DSCAM: variants seen among roughly 807,000 people sequenced by gnomAD.
The protein encoded by DSCAM is cell adhesion molecule DSCAM.
DSCAM carries 47 observed loss-of-function variants against 217.7 expected under a neutral mutation model. That is an observed-to-expected ratio of 0.22 (90% CI 0.17 to 0.28). The LOEUF is 0.28. Ranked by LOEUF, DSCAM falls within the 10% of genes least tolerant of loss-of-function variation. The pLI is 1.00. For synonymous variants in DSCAM, 1,056 were observed against 1,015.3 expected (o/e 1.04, Z -0.76); for missense variants, 2,080 against 2,618.3 (o/e 0.79, Z 4.49).
intron 10 of DSCAM, among the ~76,000 whole-genome samples, chr21:40,281,383 G>C (rs961448535): frequency 6.6e-6 from 1 of 152,060 alleles, no homozygotes; most frequent in Non-Finnish European, 1.5e-5. Flanking sequence ...TTATATGGCT[G>C]TCTGTCTTTC....
chr21:40,234,705 T>C (rs1424428848), intron 11 of DSCAM, among the ~76,000 whole-genome samples: 1 of 152,242 alleles, frequency 6.6e-6, no homozygotes, highest in African/African-American at 2.4e-5. Flanking sequence ...TCCTTCCTGG[T>C]ACATTTAAAT....
At chr21:40,581,588 G>A (rs2076906081) in intron 3 of DSCAM, among the ~76,000 whole-genome samples, 1 of 152,132 alleles carries the variant, frequency 6.6e-6, no homozygotes, top group African/African-American at 2.4e-5. Flanking sequence ...GATGGGGACA[G>A]AAACTGGGAG....
At chr21:40,407,899 CT>C (rs1484185163) in intron 3 of DSCAM, among the ~76,000 whole-genome samples, 2 of 152,222 alleles carry the variant, frequency 1.3e-5, no homozygotes, top group Non-Finnish European at 2.9e-5. Context: ...CTCTTAATAA[CT>C]GGTTATAACC....
chr21:40,799,149 T>C (rs2091716879), intron 1 of DSCAM, among the ~76,000 whole-genome samples: 3 of 152,132 alleles, frequency 2.0e-5, no homozygotes, highest in South Asian at 4.1e-4. Flanking sequence ...AGAGCCTGTG[T>C]TTGTAAGTAA....
chr21:40,439,900 C>T (rs1337694918), intron 3 of DSCAM, among the ~76,000 whole-genome samples: 1 of 152,124 alleles, frequency 6.6e-6, no homozygotes, highest in Admixed American at 6.5e-5. Flanking sequence ...CAGGTCCCTC[C>T]CACAACACAT....
intron 1 of DSCAM, among the ~76,000 whole-genome samples, chr21:40,795,542 T>C (rs946740941): frequency 7.2e-5 from 11 of 152,130 alleles, no homozygotes; most frequent in Non-Finnish European, 1.5e-5. Context: ...CTATGAAGAG[T>C]GTACTCACAA....
chr21:40,031,634 A>C (rs2088526721), intron 32 of DSCAM, among the ~76,000 whole-genome samples: 1 of 152,126 alleles, frequency 6.6e-6, no homozygotes, highest in Non-Finnish European at 1.5e-5. Flanking sequence ...CCACCTACAC[A>C]CACAAACACG....
intron 3 of DSCAM, among the ~76,000 whole-genome samples, chr21:40,610,519 C>G (rs567725219): frequency 1.6e-4 from 24 of 152,206 alleles, no homozygotes; most frequent in Non-Finnish European, 2.5e-4. Flanking sequence ...GCTTATACGA[C>G]TTTATGTGTG....
rs377009539 is a variant in DSCAM, at chr21:40,107,150, C to T, written c.3697-13276G>A. 4.6e-5 allele frequency among the ~76,000 whole-genome samples: 7 copies of T among 152,184 alleles called. No homozygotes were observed. In the East Asian group the frequency reaches 1.3e-3, roughly 29 times the overall value. On this transcript the variant is annotated intron_variant, in intron 20 of 32. Coordinates refer to ENST00000400454, the MANE Select transcript of DSCAM (RefSeq NM_001389.5). ...TCTTAACACTGCCTTAGCAGTGTCTCAGAGATTCTGGTACATTGTATCTTT... is the reference window on the plus strand; with the variant it reads ...TCTTAACACTGCCTTAGCAGTGTCTTAGAGATTCTGGTACATTGTATCTTT...
chr21:40,171,000 C>T (rs2090651055), intron 15 of DSCAM, among the ~76,000 whole-genome samples: 1 of 152,106 alleles, frequency 6.6e-6, no homozygotes, highest in Admixed American at 6.5e-5. Flanking sequence ...CAAGAATGTC[C>T]CCAATTCTAT....
chr21:40,350,910 T>C (rs1255886782), intron 5 of DSCAM, among the ~76,000 whole-genome samples: 1 of 105,764 alleles, frequency 9.5e-6, no homozygotes, highest in Non-Finnish European at 1.9e-5. Flanking sequence ...TTTTTTAGAA[T>C]TGGGGCCTTG....
In DSCAM at chr21:40,149,063, C is replaced by T. The variant is rs186198194; in HGVS notation, c.3019-4332G>A. On this transcript the variant is annotated intron_variant, in intron 16 of 32. Coordinates refer to ENST00000400454, the MANE Select transcript of DSCAM (RefSeq NM_001389.5). The stretch of plus-strand genomic sequence containing the variant: ...CAACACTATCACCACCACCATCCAT[C>T]ACTCAATCACTATCCCAACACCAAC... Among the ~76,000 whole-genome samples the T allele has an allele frequency of 1.3e-4, 20 of 152,066 alleles. No homozygotes were observed. The East Asian group carries it at 3.9e-3, about 29-fold the overall frequency.
At chr21:40,294,074 T>A (rs1344857905) in intron 10 of DSCAM, among the ~76,000 whole-genome samples, 1 of 152,208 alleles carries the variant, frequency 6.6e-6, no homozygotes, top group Non-Finnish European at 1.5e-5. Context: ...TTTTAAAAAA[T>A]TGCAATTTCT....
chr21:40,626,131 G>A (rs2089597786), intron 3 of DSCAM, among the ~76,000 whole-genome samples: 1 of 152,090 alleles, frequency 6.6e-6, no homozygotes, highest in African/African-American at 2.4e-5. Context: ...TAGGAGGGAA[G>A]GCAGAGTTGG....
At chr21:40,125,141 T>C (rs939011490) in intron 19 of DSCAM, among the ~76,000 whole-genome samples, 5 of 152,156 alleles carry the variant, frequency 3.3e-5, no homozygotes, top group African/African-American at 4.8e-5. Context: ...ATAGGGATTA[T>C]TGGGTCAAAG....
chr21:40,401,484 C>A (rs2075233503), intron 3 of DSCAM, among the ~76,000 whole-genome samples: 1 of 152,108 alleles, frequency 6.6e-6, no homozygotes, highest in Non-Finnish European at 1.5e-5. Context: ...AGCCTTGACA[C>A]CTGCTGAGAC....
chr21:40,049,337 T>C (rs1263515248), intron 30 of DSCAM, among the ~76,000 whole-genome samples: 4 of 152,158 alleles, frequency 2.6e-5, no homozygotes, highest in African/African-American at 9.7e-5. Flanking sequence ...ATCCTCATCA[T>C]GCGGGGAACC....
chr21:40,543,285 A>G (rs1318352190), intron 3 of DSCAM, among the ~76,000 whole-genome samples: 1 of 152,174 alleles, frequency 6.6e-6, no homozygotes, highest in Non-Finnish European at 1.5e-5. Flanking sequence ...AAGTCCTGCC[A>G]TTTCCCTGAT....
chr21:40,032,710 A>G (rs1015714171), intron 32 of DSCAM, among the ~76,000 whole-genome samples: 2 of 152,108 alleles, frequency 1.3e-5, no homozygotes, highest in Non-Finnish European at 2.9e-5. Flanking sequence ...CTTTGACACT[A>G]TAGTGTTGTT....
Sources: gnomAD v4.1 joint callset for allele counts (sites outside exome capture counted in the v4.1 genomes callset) on GRCh38, gnomAD v4.1.1 for gene constraint, MANE v1.5 for transcripts, NCBI Gene and HGNC (gene_info 2026-07-23, HGNC 2026-07-21) for gene names.